Variants in TBRG4 observed in about 807,000 individuals in gnomAD.
TBRG4 encodes the protein transforming growth factor beta regulator 4, also known as FAST kinase domain-containing protein 4.
TBRG4 carries 43 observed loss-of-function variants against 65.6 expected under a neutral mutation model. The observed-to-expected ratio is 0.66, with a 90% confidence interval of 0.51 to 0.85. The LOEUF is 0.85. Ranked by LOEUF, TBRG4 falls within the 40% of genes least tolerant of loss-of-function variation. The probability of loss-of-function intolerance (pLI) is 0.00; values close to 1 mark genes in which losing one functional copy is unlikely to be tolerated. For missense variants in TBRG4, 709 were observed against 787.9 expected, an observed-to-expected ratio of 0.90 and a Z score of 1.20; for synonymous variants, 366 against 341.4, an observed-to-expected ratio of 1.07 and a Z score of -0.79.
rs752723627 is a variant in TBRG4 at position 45,101,949 on chromosome 7, C to A, written c.1443G>T (p.Gly481=). 6.2e-7 allele frequency: 1 copy of A among 1,602,276 alleles called. No homozygotes were observed. Among genetic ancestry groups the A allele is most frequent in the Non-Finnish European group, 8.5e-7 (1 of 1,175,138 alleles). ...PLLPASAVAP[G]PSALDRKVTP... The stretch of plus-strand genomic sequence containing the variant: ...TCACCTTCCTGTCAAGGGCTGAGGG[C>A]CCAGGGGCCACAGCCGAGGCAGGCA... Residue 481 remains glycine (G), a synonymous_variant, in exon 8 of 11, where the codon GGG becomes GGT. Transcript: ENST00000258770.
chr7:45,101,723 G>A (rs1784770897), intron 8 of TBRG4, 102 bp downstream of exon 8: 7 of 1,595,342 alleles, frequency 4.4e-6, no homozygotes, highest in Non-Finnish European at 6.0e-6. Context: ...CTGACACCCT[G>A]CAGCTCCCTA....
chr7:45,105,036 G>T, intron 3 of TBRG4: 2 of 715,516 alleles, frequency 2.8e-6, no homozygotes, highest in South Asian at 2.7e-5. Flanking sequence ...AATTTGACTT[G>T]ACTGCAGGGC....
intron 1 of TBRG4, 128 bp from the exon 2 acceptor site, chr7:45,109,415 G>A: frequency 1.4e-6 from 1 of 722,092 alleles, no homozygotes; most frequent in South Asian, 3.5e-5. Flanking sequence ...CAATCCATAG[G>A]TATGTGATAG....
chr7:45,104,387 C>A (rs1306656405), intron 4 of TBRG4, 131 bp from the exon 5 acceptor site: 3 of 1,570,824 alleles, frequency 1.9e-6, no homozygotes, highest in Admixed American at 3.3e-5. Flanking sequence ...GCCTGGGACA[C>A]AGGAACAGGG....
Position 45,101,036 on chromosome 7 carries a change from C to A in TBRG4, c.1794+222G>T, listed in dbSNP as rs567773471. Reference sequence around the variant, plus strand: ...TAAGCTGAATAAGCAGGCTTGGTTGCCTTTTTGGGTTCACCCACGGGGTGA... The same window carrying A: ...TAAGCTGAATAAGCAGGCTTGGTTGACTTTTTGGGTTCACCCACGGGGTGA... On this transcript the variant is annotated intron_variant, in intron 10 of 10. Transcript: ENST00000258770. Among the ~76,000 whole-genome samples the A allele has an allele frequency of 2.6e-5, 4 of 152,346 alleles. No individual in the cohort carries two copies. In the East Asian group the frequency reaches 7.7e-4, roughly 29 times the overall value.
chr7:45,103,483 T>C (rs1386266020), intron 5 of TBRG4, 40 bp from the exon 6 acceptor site: 1 of 1,325,088 alleles, frequency 7.5e-7, no homozygotes. Flanking sequence ...GAATAAGCTC[T>C]CTGCCCAGCA....
Position 45,108,891 on chromosome 7 carries a change from T to C in TBRG4, c.347A>G (p.Glu116Gly), listed in dbSNP as rs1345677939. 1 of 1,584,366 alleles carries C rather than the reference T, an allele frequency of 6.3e-7. No homozygotes were observed. The highest frequency in any genetic ancestry group is 1.4e-5 in the African/African-American group (1 of 73,654). ...RLSHLLSEKPEDKGLLIQDAH... is the reference protein window; with the variant it reads ...RLSHLLSEKPGDKGLLIQDAH... ...ATCCTGTATGAGCAAGCCTTTATCTTCTGGCTTCTCAGACAGCAAGTGAGA... is the reference window on the plus strand; with the variant it reads ...ATCCTGTATGAGCAAGCCTTTATCTCCTGGCTTCTCAGACAGCAAGTGAGA... Residue 116 changes from glutamate (E) to glycine (G), a missense_variant, in exon 2 of 11, where the codon GAA becomes GGA. By Grantham distance (98) the Glu-to-Gly change is moderately conservative. Coordinates refer to ENST00000258770, the MANE Select transcript of TBRG4 (RefSeq NM_004749.4).
At chr7:45,111,186 G>A (rs372946643) in intron 1 of TBRG4, among the ~76,000 whole-genome samples, 39 of 152,256 alleles carry the variant, frequency 2.6e-4, no homozygotes, top group African/African-American at 7.5e-4. Flanking sequence ...ATGACCTCAA[G>A]TGATCCACCC....
intron 2 of TBRG4, chr7:45,106,229 T>G: frequency 2.9e-6 from 1 of 348,702 alleles, no homozygotes; most frequent in Non-Finnish European, 5.7e-6. Context: ...TTGCAATTGC[T>G]TGCAAGCAAG....
chr7:45,109,653 T>C (rs1269169660), intron 1 of TBRG4, among the ~76,000 whole-genome samples: 1 of 152,114 alleles, frequency 6.6e-6, no homozygotes, highest in Non-Finnish European at 1.5e-5. Context: ...TTTTTTTTAT[T>C]TTTTTATTTC....
In TBRG4 at chr7:45,105,647, G is replaced by A. The variant is rs1280439154; in HGVS notation, c.529C>T (p.Arg177Trp). 7.4e-6 allele frequency: 12 copies of A among 1,613,938 alleles called. No homozygotes were observed. Among genetic ancestry groups the A allele is most frequent in the East Asian group, 4.5e-5 (2 of 44,892 alleles). The part of the protein sequence containing the change: ...SVEQEVRWRM[R>W]KLKYKHLAFL... ...GCCAGGTGCTTGTACTTGAGCTTCC[G>A]CATGCGCCAGCGGACCTCCTGCTCC... The change falls in exon 3 of 11, where the codon CGG (arginine) becomes TGG (tryptophan). Residue 177 changes from arginine to tryptophan, a missense_variant. Transcript: ENST00000258770.
chr7:45,106,438 C>T (rs921144793), intron 2 of TBRG4: 2 of 160,428 alleles, frequency 1.2e-5, no homozygotes, highest in African/African-American at 4.8e-5. Flanking sequence ...ATGGATGTCA[C>T]CTGATGGCAG....
chr7:45,102,230 G>C, intron 7 of TBRG4, 117 bp downstream of exon 7: 2 of 1,551,628 alleles, frequency 1.3e-6, no homozygotes, highest in Non-Finnish European at 8.7e-7. Context: ...GGAGAGGATG[G>C]AGAGCGAGGG....
At position 45,111,633 on chromosome 7, in the gene TBRG4, C is replaced by T. The variant is rs1259060121; in HGVS notation, c.-51+10G>A. ...TCAGCCGCCCCTTCTCCCCGTGCCA[C>T]AAGACCTACGCAGCGAGCACCACCG... On this transcript the variant is annotated intron_variant, in intron 1 of 10. Transcript: ENST00000258770. 2 of 1,289,492 alleles carry T rather than the reference C, an allele frequency of 1.6e-6. No individual in the cohort carries two copies. Among genetic ancestry groups the T allele is most frequent in the Non-Finnish European group, 2.0e-6 (2 of 988,844 alleles). The allele number at this position is 1,289,492 out of a possible 1,614,324, so 79.9% of individuals were successfully genotyped here.
chr7:45,104,866 C>T (rs778511406), intron 3 of TBRG4, 157 bp from the exon 4 acceptor site: 6 of 1,194,042 alleles, frequency 5.0e-6, no homozygotes, highest in Admixed American at 1.7e-5. Flanking sequence ...TGTGCAGGGC[C>T]TGCCTCCTCA....
chr7:45,108,695 T>TA, intron 2 of TBRG4, 132 bp downstream of exon 2: 2 of 743,138 alleles, frequency 2.7e-6, no homozygotes, highest in South Asian at 3.2e-5. Context: ...TTGAAATTTA[T>TA]AAAAAAATAA....
rs199917610 is a variant in TBRG4, at chr7:45,104,335, G to A, written c.908-79C>T. ...AGCAGCTCCACCCCACCTCAGCCTCGAGGTCTAGATATTTGATGTCTGTAA... is the reference window on the plus strand; with the variant it reads ...AGCAGCTCCACCCCACCTCAGCCTCAAGGTCTAGATATTTGATGTCTGTAA... On this transcript the variant is annotated intron_variant, in intron 4 of 10. Coordinates refer to ENST00000258770, the MANE Select transcript of TBRG4 (RefSeq NM_004749.4). 9 of 1,603,816 alleles carry A rather than the reference G, an allele frequency of 5.6e-6. No homozygotes were observed. The Admixed American group carries it at 6.7e-5, about 12-fold the overall frequency.
chr7:45,104,334 C>T (rs774114510), intron 4 of TBRG4, 78 bp from the exon 5 acceptor site: 30 of 1,601,046 alleles, frequency 1.9e-5, no homozygotes, highest in African/African-American at 1.1e-4. Context: ...ACCTCAGCCT[C>T]GAGGTCTAGA....
At chr7:45,104,736 A>G in intron 3 of TBRG4, 27 bp from the exon 4 acceptor site, 1 of 1,608,130 alleles carries the variant, frequency 6.2e-7, no homozygotes. Context: ...CGCAGAGGTC[A>G]GCTCAATGGC....
Sources: gnomAD v4.1 joint callset for allele counts (sites outside exome capture counted in the v4.1 genomes callset) on GRCh38, gnomAD v4.1.1 for gene constraint, MANE v1.5 for transcripts, NCBI Gene and HGNC (gene_info 2026-07-23, HGNC 2026-07-21) for gene names.